NEK1: variants seen among roughly 807,000 people sequenced by gnomAD.
NEK1 encodes NIMA related kinase 1.
A neutral mutation model predicts 182.1 loss-of-function variants in NEK1; 137 were observed. The observed-to-expected ratio is 0.75, with a 90% CI of 0.65 to 0.87. The LOEUF (loss-of-function observed/expected upper bound fraction) is 0.87, where lower values mean the gene tolerates loss of function less well. Among genes scored for constraint, NEK1 ranks in the 40% least tolerant of loss-of-function variants. The probability of loss-of-function intolerance (pLI) is 0.00; values close to 1 mark genes in which losing one functional copy is unlikely to be tolerated. For missense variants in NEK1, 1,391 were observed against 1,494.4 expected, an observed-to-expected ratio of 0.93 and a Z score of 1.14; for synonymous variants, 513 against 492.2, an observed-to-expected ratio of 1.04 and a Z score of -0.56.
intron 19 of NEK1, among the ~76,000 whole-genome samples, chr4:169,536,288 GT>G (rs1758483429): frequency 8.4e-6 from 1 of 119,696 alleles, no homozygotes; most frequent in Admixed American, 8.4e-5. Context: ...CAGAGTGAGA[GT>G]TTGTCTCAAA....
chr4:169,443,107 T>A (rs1220216965), intron 27 of NEK1, among the ~76,000 whole-genome samples: 1 of 103,742 alleles, frequency 9.6e-6, no homozygotes, highest in Non-Finnish European at 2.0e-5. Flanking sequence ...ATCTATCTCA[T>A]AATTTGAGAC....
At chr4:169,564,615 A>G (rs1763403748) in intron 12 of NEK1, among the ~76,000 whole-genome samples, 1 of 152,140 alleles carries the variant, frequency 6.6e-6, no homozygotes, top group Non-Finnish European at 1.5e-5. Flanking sequence ...TTAGAAAGGC[A>G]TACAAAAATT....
rs139588298 is a variant in NEK1, at chr4:169,444,892, A to C, written c.2588-6633T>G. 2.3e-3 allele frequency among the ~76,000 whole-genome samples: 345 copies of C among 152,316 alleles called. 2 individuals are homozygous for C. Among genetic ancestry groups the C allele is most frequent in the African/African-American group, 8.1e-3 (337 of 41,582 alleles). On this transcript the variant is annotated intron_variant, in intron 27 of 35. Transcript: ENST00000507142. ...ACAAATTAAAACGTAACTACTTCAT[A>C]TCAAGTACCTTCTCAGACCACAACT...
At chr4:169,504,600 G>T (rs1041445159) in intron 23 of NEK1, among the ~76,000 whole-genome samples, 2 of 152,098 alleles carry the variant, frequency 1.3e-5, no homozygotes, top group African/African-American at 4.8e-5. Context: ...AGGAACTGGA[G>T]TTCTATTACG....
intron 29 of NEK1, among the ~76,000 whole-genome samples, chr4:169,430,382 G>C (rs1206456695): frequency 1.3e-5 from 2 of 151,986 alleles, no homozygotes; most frequent in East Asian, 1.9e-4. Flanking sequence ...ACAGGGTTTC[G>C]CCATGTTGGC....
At position 169,593,830 on chromosome 4, in the gene NEK1, T is replaced by G. The variant is rs532308137; in HGVS notation, c.313-3021A>C. 5.6e-3 allele frequency among the ~76,000 whole-genome samples: 854 copies of G among 152,018 alleles called. 8 individuals are homozygous for G. Among genetic ancestry groups the G allele is most frequent in the African/African-American group, 0.02 (813 of 41,464 alleles). ...GGTGAAACCCCGTCTTTACTAAAAA[T>G]ACAAAAAAATTAGCCAGGCGTGATG... On this transcript the variant is annotated intron_variant, in intron 5 of 35. Transcript: ENST00000507142.
At chr4:169,420,953 C>T (rs1166968606) in intron 31 of NEK1, among the ~76,000 whole-genome samples, 1 of 152,120 alleles carries the variant, frequency 6.6e-6, no homozygotes, top group Non-Finnish European at 1.5e-5. Flanking sequence ...ACTTGACTAA[C>T]ATGCTAACTG....
At chr4:169,439,978 C>G (rs1326084111) in intron 27 of NEK1, among the ~76,000 whole-genome samples, 5 of 150,936 alleles carry the variant, frequency 3.3e-5, no homozygotes, top group Non-Finnish European at 7.4e-5. Context: ...TCCCTAGTAG[C>G]TGGGATTACA....
chr4:169,498,027 TTGTG>T (rs543708065), intron 23 of NEK1, among the ~76,000 whole-genome samples: 293 of 152,322 alleles, frequency 1.9e-3, no homozygotes, highest in Non-Finnish European at 2.6e-3. Flanking sequence ...CCCATTATTA[TTGTG>T]TGGGAGTCTA....
At chr4:169,424,930 T>G in intron 30 of NEK1, 130 bp from the exon 31 acceptor site, 1 of 854,576 alleles carries the variant, frequency 1.2e-6, no homozygotes, top group Non-Finnish European at 1.7e-6. Flanking sequence ...AAAATCAAAA[T>G]ATGTGTGTCA....
intron 27 of NEK1, among the ~76,000 whole-genome samples, chr4:169,445,981 G>A (rs72691065): frequency 1.6e-3 from 245 of 151,794 alleles, no homozygotes; most frequent in Middle Eastern, 3.4e-3. Flanking sequence ...TCCATATAGA[G>A]AAATACACAT....
intron 35 of NEK1, among the ~76,000 whole-genome samples, chr4:169,394,969 G>C (rs1730447724): frequency 6.6e-6 from 1 of 152,016 alleles, no homozygotes; most frequent in Non-Finnish European, 1.5e-5. Flanking sequence ...TTTTCAATAT[G>C]ATAAAAATTT....
chr4:169,601,967 T>C (rs1351473899), intron 4 of NEK1, 41 bp downstream of exon 4: 4 of 1,371,674 alleles, frequency 2.9e-6, no homozygotes, highest in Non-Finnish European at 1.0e-6. Flanking sequence ...GATTTATTAA[T>C]GTCTTAGGAT....
At chr4:169,530,193 A>G (rs755343158) in intron 19 of NEK1, among the ~76,000 whole-genome samples, 15 of 152,208 alleles carry the variant, frequency 9.9e-5, no homozygotes, top group Non-Finnish European at 1.9e-4. Context: ...GAAATGAAAC[A>G]AGCTATTTAT....
intron 26 of NEK1, among the ~76,000 whole-genome samples, chr4:169,470,082 A>C (rs889419678): frequency 6.6e-6 from 1 of 151,786 alleles, no homozygotes; most frequent in African/African-American, 2.4e-5. Flanking sequence ...TCTTTATCCA[A>C]TTTGCCAGTC....
At position 169,577,209 on chromosome 4, in the gene NEK1, C is replaced by T. The variant is rs1765830801; in HGVS notation, c.869-130G>A. 3 of 896,752 alleles carry T rather than the reference C, an allele frequency of 3.3e-6. No individual in the cohort carries two copies. In the East Asian group the frequency reaches 8.1e-5, roughly 24 times the overall value. The allele number at this position is 896,752 out of a possible 1,614,324, so 55.5% of individuals were successfully genotyped here. On this transcript the variant is annotated intron_variant, in intron 11 of 35. Coordinates refer to ENST00000507142, the MANE Select transcript of NEK1 (RefSeq NM_001199397.3). ...GTATTTTAAACTTTCTATCAAATAT[C>T]TTAATTCATCCCTTAGTATTTACTA...
chr4:169,508,349 C>A lies in NEK1; in HGVS notation c.1750-18G>T. ...AGATAAACCTACAAGGAGGCAAAAA[C>A]CCCAACATAATAATGTAAAAGCAAA... On this transcript the variant is annotated intron_variant, in intron 20 of 35. Transcript: ENST00000507142. 1 of 1,536,550 alleles carries A rather than the reference C, an allele frequency of 6.5e-7. No individual in the cohort carries two copies. The highest frequency in any genetic ancestry group is 1.7e-4 in the Middle Eastern group (1 of 5,954).
chr4:169,495,195 G>C (rs1204454053), intron 23 of NEK1, among the ~76,000 whole-genome samples: 1 of 148,458 alleles, frequency 6.7e-6, no homozygotes, highest in Admixed American at 6.7e-5. Flanking sequence ...TACTGCCTAG[G>C]TTTTCTTCTA....
At chr4:169,452,157 G>GA (rs1491370923) in intron 27 of NEK1, among the ~76,000 whole-genome samples, 1 of 152,188 alleles carries the variant, frequency 6.6e-6, no homozygotes, top group East Asian at 1.9e-4. Flanking sequence ...AACAGGCTCT[G>GA]AAATTGAGGC....
Sources: allele counts gnomAD v4.1 joint callset (sites outside exome capture counted in the v4.1 genomes callset), GRCh38; gene constraint gnomAD v4.1.1; transcripts MANE v1.5; gene names NCBI Gene and HGNC (gene_info 2026-07-23, HGNC 2026-07-21).